The following PLSCR4 variants were observed in gnomAD, a reference collection of about 807,000 sequenced individuals.
PLSCR4 encodes the protein phospholipid scramblase 4.
In PLSCR4, 25 loss-of-function variants were observed where a neutral mutation model predicts 36.3. That is an observed-to-expected ratio of 0.69 (90% confidence interval 0.50 to 0.96). PLSCR4 has a LOEUF of 0.96. Ranked by LOEUF, PLSCR4 falls within the 40% of genes least tolerant of loss-of-function variation. PLSCR4 has a pLI of 0.00. For missense variants in PLSCR4, 408 were observed against 414.7 expected (o/e 0.98, Z 0.14); for synonymous variants, 122 against 132.9 (o/e 0.92, Z 0.56).
chr3:146,219,621 C>A lies in PLSCR4; in HGVS notation c.118+1194G>T, dbSNP rs534152200. 2.8e-4 allele frequency among the ~76,000 whole-genome samples: 43 copies of A among 151,280 alleles called. No homozygotes were observed. In the South Asian group the frequency reaches 9.0e-3, roughly 32 times the overall value. ...GCTGTATGGATCATATGCCTAGAGC[C>A]AAAAAAAACCTTTGGCCGGGCACGG... is the stretch of plus-strand genomic sequence containing the variant. On this transcript the variant is annotated intron_variant, in intron 3 of 8. Transcript: ENST00000354952.
In PLSCR4 at chr3:146,235,673, G is replaced by C. The variant is rs562919839; in HGVS notation, c.-21-13581C>G. Among the ~76,000 whole-genome samples, 77 of 152,270 alleles carry C rather than the reference G, an allele frequency of 5.1e-4. 2 individuals carry two copies. The South Asian group carries it at 0.016, about 32-fold the overall frequency. On this transcript the variant is annotated intron_variant, in intron 1 of 8. Coordinates refer to ENST00000354952, the MANE Select transcript of PLSCR4 (RefSeq NM_020353.3). The stretch of plus-strand genomic sequence containing the variant: ...GGCAGAGGTTGAAACAGCTTGGAGG[G>C]CTCAGAAGAAAAGAAGAAGATGAGG...
chr3:146,203,017 C>T (rs1178863421), intron 4 of PLSCR4, among the ~76,000 whole-genome samples: 1 of 151,936 alleles, frequency 6.6e-6, no homozygotes, highest in African/African-American at 2.4e-5. Flanking sequence ...TCAAAATCAT[C>T]ATAAAAGTGG....
At chr3:146,235,548 C>T (rs930405303) in intron 1 of PLSCR4, among the ~76,000 whole-genome samples, 3 of 152,086 alleles carry the variant, frequency 2.0e-5, no homozygotes, top group African/African-American at 4.8e-5. Context: ...TTTTTTACAG[C>T]AGTGCAAGAA....
In PLSCR4 at chr3:146,200,012, C is replaced by A. The variant is rs1410856881; in HGVS notation, c.425G>T (p.Arg142Ile). 6.3e-7 allele frequency: 1 copy of A among 1,596,644 alleles called. No homozygotes were observed. Among genetic ancestry groups the A allele is most frequent in the Non-Finnish European group, 8.6e-7 (1 of 1,164,624 alleles). ...GTCTGAGTTGTTTTTAATATCATAT[C>A]TATTATTAGTTTCAAAACATGTCAT... ...EMMTCFETNN[R>I]YDIKNNSDQM... is the part of the protein sequence containing the mutation. The change falls in exon 6 of 9, where the codon AGA becomes ATA. Residue 142 changes from arginine to isoleucine, a missense_variant. Transcript: ENST00000354952.
At chr3:146,204,046 C>G (rs1478792304) in intron 4 of PLSCR4, among the ~76,000 whole-genome samples, 1 of 151,988 alleles carries the variant, frequency 6.6e-6, no homozygotes, top group Non-Finnish European at 1.5e-5. Flanking sequence ...CACTTGAACA[C>G]TCAGAGGCCA....
chr3:146,206,636 G>T lies in PLSCR4; in HGVS notation c.244C>A (p.Arg82=), dbSNP rs149536276. The T allele has an allele frequency of 1.9e-6, 3 of 1,613,320 alleles. No homozygotes were observed. In the Admixed American group the frequency reaches 5.0e-5, roughly 27 times the overall value. The change falls in exon 4 of 9, where the codon CGG becomes AGG. Residue 82 remains arginine (R), a synonymous_variant. Transcript: ENST00000354952. ...ATAGGATATTTGCCAGGCTGATACC[G>T]GACAGGATGGATACCACCAACTGGC... ...YQPVGGIHPV[R]YQPGKYPMPN... is the part of the protein sequence containing the mutation.
At chr3:146,225,695 C>G (rs897986301) in intron 1 of PLSCR4, among the ~76,000 whole-genome samples, 1 of 152,218 alleles carries the variant, frequency 6.6e-6, no homozygotes, top group African/African-American at 2.4e-5. Flanking sequence ...CCTCATTGCC[C>G]GGGGCCAGCA....
rs1371702896 is a variant in PLSCR4, at chr3:146,201,409, C to T, written c.355-332G>A. The stretch of plus-strand genomic sequence containing the variant: ...CTTATAGATTGTTCCTAGATAAGTC[C>T]CTACTCACTGGTCTCTCTACATGTC... On this transcript the variant is annotated intron_variant, in intron 4 of 8. Coordinates refer to ENST00000354952, the MANE Select transcript of PLSCR4 (RefSeq NM_020353.3). 2.6e-5 allele frequency among the ~76,000 whole-genome samples: 4 copies of T among 152,086 alleles called. No individual in the cohort carries two copies. In the East Asian group the frequency reaches 7.8e-4, roughly 30 times the overall value.
chr3:146,229,774 G>A (rs914894041), intron 1 of PLSCR4, among the ~76,000 whole-genome samples: 13 of 151,690 alleles, frequency 8.6e-5, no homozygotes, highest in African/African-American at 1.7e-4. Context: ...ACAGGCGCCC[G>A]CCACCACGCC....
intron 1 of PLSCR4, among the ~76,000 whole-genome samples, chr3:146,250,315 TATTTTGGTGGCTCC>T (rs1398869893): frequency 3.3e-5 from 5 of 152,192 alleles, no homozygotes; most frequent in Non-Finnish European, 1.5e-5. Flanking sequence ...CACAAGTACT[TATTTTGGTGGCTCC>T]ATTCTAAATG....
At chr3:146,245,438 TATA>T (rs2036298918) in intron 1 of PLSCR4, among the ~76,000 whole-genome samples, 1 of 152,072 alleles carries the variant, frequency 6.6e-6, no homozygotes, top group Non-Finnish European at 1.5e-5. Context: ...AAATATGCCA[TATA>T]ATATTTTTAA....
chr3:146,206,727 G>A lies in PLSCR4; in HGVS notation c.153C>T (p.Gly51=), dbSNP rs769785713. 2 of 1,603,444 alleles carry A rather than the reference G, an allele frequency of 1.2e-6. No homozygotes were observed. The highest frequency in any genetic ancestry group is 1.7e-6 in the Non-Finnish European group (2 of 1,173,966). ...ATCCCATAGGCAAGCCTCCTGGGTA[G>A]CCAGTAGGTGGAGGGACAGCTGTTC... The part of the protein sequence containing the change: ...PPGTAVPPPT[G]YPGGLPMGYY... The change falls in exon 4 of 9, where the codon GGC becomes GGT. Residue 51 remains glycine, a synonymous_variant. Transcript: ENST00000354952.
At chr3:146,233,152 ATTTTTGCAT>A (rs2035786496) in intron 1 of PLSCR4, among the ~76,000 whole-genome samples, 1 of 152,098 alleles carries the variant, frequency 6.6e-6, no homozygotes, top group Non-Finnish European at 1.5e-5. Context: ...AAATTTTGTC[ATTTTTGCAT>A]TTATCTATAT....
At position 146,251,095 on chromosome 3, in the gene PLSCR4, G is replaced by T. The variant is rs1231773862; in HGVS notation, c.-157C>A. 1 of 152,324 alleles carries T rather than the reference G, an allele frequency of 6.6e-6. No homozygotes were observed. Among genetic ancestry groups the T allele is most frequent in the Non-Finnish European group, 1.5e-5 (1 of 68,196 alleles). 9.4% of individuals were successfully genotyped at this position (152,324 alleles called of 1,614,324 possible). On this transcript the variant is annotated 5_prime_UTR_variant, in exon 1 of 9. Coordinates refer to ENST00000354952, the MANE Select transcript of PLSCR4 (RefSeq NM_020353.3). ...TTCAAGTTATAAACAAAGTAAGCGCGCGGAAGGGAGGGCTAGGCGCGGGTT... is the reference window on the plus strand; with the variant it reads ...TTCAAGTTATAAACAAAGTAAGCGCTCGGAAGGGAGGGCTAGGCGCGGGTT...
chr3:146,238,505 A>G (rs925895002), intron 1 of PLSCR4, among the ~76,000 whole-genome samples: 1 of 152,084 alleles, frequency 6.6e-6, no homozygotes, highest in African/African-American at 2.4e-5. Context: ...ACCTCAATCA[A>G]TGAATATATC....
chr3:146,235,906 G>C (rs1169666772), intron 1 of PLSCR4, among the ~76,000 whole-genome samples: 5 of 152,148 alleles, frequency 3.3e-5, no homozygotes, highest in Non-Finnish European at 7.4e-5. Context: ...TTTGAACTCG[G>C]GAATGATGAT....
At chr3:146,207,193 G>A (rs141541780) in intron 3 of PLSCR4, among the ~76,000 whole-genome samples, 2 of 151,992 alleles carry the variant, frequency 1.3e-5, no homozygotes, top group African/African-American at 2.4e-5. Flanking sequence ...TATTGTTATT[G>A]TTTGTGGTTA....
intron 1 of PLSCR4, among the ~76,000 whole-genome samples, chr3:146,235,495 C>G (rs1454817992): frequency 6.6e-6 from 1 of 152,068 alleles, no homozygotes; most frequent in Non-Finnish European, 1.5e-5. Flanking sequence ...AAGTGTGAAC[C>G]AATTAAACTC....
chr3:146,230,157 G>A (rs998373977), intron 1 of PLSCR4, among the ~76,000 whole-genome samples: 2 of 152,082 alleles, frequency 1.3e-5, no homozygotes, highest in Admixed American at 6.5e-5. Flanking sequence ...GGTGTTTAGA[G>A]TCAGACTGAA....
Sources: allele counts gnomAD v4.1 joint callset (sites outside exome capture counted in the v4.1 genomes callset), GRCh38; gene constraint gnomAD v4.1.1; transcripts MANE v1.5; gene names NCBI Gene and HGNC (gene_info 2026-07-23, HGNC 2026-07-21).